CDK13: variants seen among roughly 807,000 people sequenced by gnomAD.
The protein encoded by CDK13 is cyclin dependent kinase 13.
In CDK13, 40 loss-of-function variants were observed where a neutral mutation model predicts 137.6. The ratio of observed to expected loss-of-function variants is 0.29; its 90% CI spans 0.23 to 0.38. The LOEUF (loss-of-function observed/expected upper bound fraction) is 0.38. CDK13 is among the 10% of genes least tolerant of loss of function. The pLI is 1.00. For synonymous variants in CDK13, 869 were observed against 760.1 expected (o/e 1.14, Z -2.36); for missense variants, 1,704 against 1,951.8 (o/e 0.87, Z 2.39).
intron 5 of CDK13, among the ~76,000 whole-genome samples, chr7:40,007,465 C>CAAA: frequency 6.6e-6 from 1 of 152,212 alleles, no homozygotes; most frequent in African/African-American, 2.4e-5. Flanking sequence ...CTCGCTCTGT[C>CAAA]ACCCAGGCTG....
intron 7 of CDK13, among the ~76,000 whole-genome samples, chr7:40,056,071 T>A (rs1301239027): frequency 6.6e-6 from 1 of 152,220 alleles, no homozygotes; most frequent in Non-Finnish European, 1.5e-5. Flanking sequence ...TTTTGTTTGA[T>A]AGTATACTAT....
chr7:39,990,405 C>A (rs760166139), intron 2 of CDK13, among the ~76,000 whole-genome samples: 2 of 151,992 alleles, frequency 1.3e-5, no homozygotes, highest in African/African-American at 2.4e-5. Context: ...ATGGAACTTT[C>A]CTTATTTTGA....
intron 5 of CDK13, among the ~76,000 whole-genome samples, chr7:40,037,344 A>G (rs1785506499): frequency 6.6e-6 from 1 of 152,146 alleles, no homozygotes; most frequent in African/African-American, 2.4e-5. Flanking sequence ...CTGGGGTTAG[A>G]GAATCCACTT....
chr7:39,990,354 TCTA>T (rs1231897172), intron 2 of CDK13, among the ~76,000 whole-genome samples: 1 of 152,198 alleles, frequency 6.6e-6, no homozygotes, highest in Non-Finnish European at 1.5e-5. Context: ...CATGAGCACT[TCTA>T]CTACATGTCT....
Position 40,074,050 on chromosome 7 carries a change from C to T in CDK13, c.2781-3955C>T, listed in dbSNP as rs370264086. On this transcript the variant is annotated intron_variant, in intron 9 of 13. Transcript: ENST00000181839. ...CCAAGTAGCTGGGATTACAGGTGTG[C>T]GCCACCATGCCCAGCTAATTTTTGT... 4.7e-4 allele frequency among the ~76,000 whole-genome samples: 71 copies of T among 151,910 alleles called. 1 individual carries two copies. The South Asian group carries it at 0.012, about 26-fold the overall frequency.
chr7:40,003,206 A>ACACACTCTCTCTCTCT (rs374470130), intron 5 of CDK13, among the ~76,000 whole-genome samples: 2 of 79,904 alleles, frequency 2.5e-5, no homozygotes, highest in African/African-American at 9.5e-5. Flanking sequence ...ACACACACAC[A>ACACACTCTCTCTCTCT]CTCTCTCTCT....
intron 5 of CDK13, among the ~76,000 whole-genome samples, chr7:40,036,544 C>G (rs1237013051): frequency 6.6e-6 from 1 of 152,062 alleles, no homozygotes; most frequent in Non-Finnish European, 1.5e-5. Flanking sequence ...GTACTCCAGT[C>G]TGGGTGACAG....
In CDK13 at chr7:40,064,937, A is replaced by G. The variant is rs1264525897; in HGVS notation, c.2780+1837A>G. On this transcript the variant is annotated intron_variant, in intron 9 of 13. Coordinates refer to ENST00000181839, the MANE Select transcript of CDK13 (RefSeq NM_003718.5). ...CTTCCAAGTAGCTGGGACCACAGGC[A>G]TGCACCACCATGCTGGGTGATTTTT... Among the ~76,000 whole-genome samples, 11 of 140,426 alleles carry G rather than the reference A, an allele frequency of 7.8e-5. No individual in the cohort carries two copies. The Admixed American group carries it at 8.2e-4, about 10-fold the overall frequency. 92.1% of individuals were successfully genotyped at this position (140,426 alleles called of 152,430 possible). A position where few individuals can be genotyped will look rare whatever the true frequency, so the allele number is the denominator to read the frequency against.
intron 7 of CDK13, among the ~76,000 whole-genome samples, chr7:40,059,475 C>G (rs1194698628): frequency 2.6e-5 from 4 of 152,232 alleles, no homozygotes; most frequent in Non-Finnish European, 5.9e-5. Flanking sequence ...TTCTCTGCCT[C>G]AGCCTCCCAA....
intron 5 of CDK13, among the ~76,000 whole-genome samples, chr7:40,005,290 ATT>A (rs34406657): frequency 0.15 from 20,703 of 139,192 alleles, 1,577 homozygotes; most frequent in Middle Eastern, 0.26. Flanking sequence ...TTTAAAGTGA[ATT>A]TTTTTTTTTT....
At chr7:39,998,248 C>G (rs545082512) in intron 3 of CDK13, 1 of 145,292 alleles carries the variant, frequency 6.9e-6, no homozygotes, top group African/African-American at 2.6e-5. Context: ...ACAGTGAAGA[C>G]TTTAAGTTAG....
chr7:39,960,836 A>G (rs1016373740), intron 1 of CDK13, among the ~76,000 whole-genome samples: 6 of 151,970 alleles, frequency 3.9e-5, no homozygotes, highest in East Asian at 3.9e-4. Flanking sequence ...TGGCCTGTCA[A>G]AGTGCTGGGA....
chr7:40,074,691 G>A (rs972485143), intron 9 of CDK13, among the ~76,000 whole-genome samples: 1 of 151,670 alleles, frequency 6.6e-6, no homozygotes, highest in Non-Finnish European at 1.5e-5. Flanking sequence ...TGGATGTAGT[G>A]GCATATTCCT....
chr7:40,010,488 A>C (rs1423102388), intron 5 of CDK13, among the ~76,000 whole-genome samples: 1 of 152,224 alleles, frequency 6.6e-6, no homozygotes, highest in Non-Finnish European at 1.5e-5. Flanking sequence ...ATTCCAGACC[A>C]GCCTGAACAA....
At chr7:40,026,682 G>A (rs1785250847) in intron 5 of CDK13, among the ~76,000 whole-genome samples, 1 of 152,166 alleles carries the variant, frequency 6.6e-6, no homozygotes, top group Non-Finnish European at 1.5e-5. Context: ...ACATGCTGTT[G>A]GAAAGGCAGA....
rs115028261 is a variant in CDK13, at chr7:40,013,028, A to G, written c.2353+10997A>G. ...AGCAACCCAAGTGTCCTTGGATGGA[A>G]GAATTGATAAGCAAAATGTGGTGTG... On this transcript the variant is annotated intron_variant, in intron 5 of 13. Coordinates refer to ENST00000181839, the MANE Select transcript of CDK13 (RefSeq NM_003718.5). Among the ~76,000 whole-genome samples, 430 of 152,304 alleles carry G rather than the reference A, an allele frequency of 2.8e-3. 2 individuals are homozygous for G. The highest frequency in any genetic ancestry group is 9.8e-3 in the African/African-American group (409 of 41,560).
At chr7:40,041,648 G>A (rs1785608272) in intron 5 of CDK13, among the ~76,000 whole-genome samples, 1 of 152,098 alleles carries the variant, frequency 6.6e-6, no homozygotes, top group African/African-American at 2.4e-5. Context: ...TTATCTTTCT[G>A]TGTTACATAA....
chr7:39,992,708 A>C (rs554331031), intron 2 of CDK13, among the ~76,000 whole-genome samples: 84 of 151,824 alleles, frequency 5.5e-4, no homozygotes, highest in Non-Finnish European at 1.0e-3. Flanking sequence ...CTTTTTGAAG[A>C]GTCTAGGCCA....
At chr7:39,961,406 A>G (rs1787615548) in intron 1 of CDK13, among the ~76,000 whole-genome samples, 1 of 152,124 alleles carries the variant, frequency 6.6e-6, no homozygotes, top group Non-Finnish European at 1.5e-5. Context: ...GCAGTGCATT[A>G]TTGTAGTCAC....
Sources: allele counts gnomAD v4.1 joint callset (sites outside exome capture counted in the v4.1 genomes callset), GRCh38; gene constraint gnomAD v4.1.1; transcripts MANE v1.5; gene names NCBI Gene and HGNC (gene_info 2026-07-23, HGNC 2026-07-21).